The following LIMA1 variants were observed in gnomAD, a reference collection of about 807,000 sequenced individuals.
LIMA1 encodes LIM domain and actin-binding protein 1.
LIMA1 carries 52 observed loss-of-function variants against 62.6 expected under a neutral mutation model. The ratio of observed to expected loss-of-function variants is 0.83; its 90% confidence interval spans 0.67 to 1.05. The LOEUF is 1.05. LIMA1 is among the 50% of genes least tolerant of loss of function. The pLI, the probability that LIMA1 is intolerant of heterozygous loss-of-function variation, is 0.00. For missense variants in LIMA1, 780 were observed against 902.2 expected (o/e 0.86, Z 1.74); for synonymous variants, 302 against 317.8 (o/e 0.95, Z 0.53).
intron 2 of LIMA1, among the ~76,000 whole-genome samples, 157 bp from the exon 3 acceptor site, chr12:50,231,867 G>T (rs966342030): frequency 6.6e-6 from 1 of 151,772 alleles, no homozygotes; most frequent in Non-Finnish European, 1.5e-5. Context: ...TCCCGGGTTC[G>T]AGTGATTCTC....
chr12:50,254,683 C>A (rs761823369), intron 1 of LIMA1, among the ~76,000 whole-genome samples: 5 of 152,124 alleles, frequency 3.3e-5, no homozygotes, highest in African/African-American at 7.2e-5. Context: ...ACGGTGAGGC[C>A]GGTAACTGCT....
At chr12:50,183,831 A>AAAC (rs1565827757) in intron 9 of LIMA1, among the ~76,000 whole-genome samples, 10 of 150,538 alleles carry the variant, frequency 6.6e-5, no homozygotes, top group South Asian at 2.1e-4. Flanking sequence ...AAAAAAAAAA[A>AAAC]AAACCCAAAA....
Position 50,177,823 on chromosome 12 carries a change from A to G in LIMA1, c.1521T>C (p.Ser507=), listed in dbSNP as rs777407756. The G allele has an allele frequency of 6.2e-6, 10 of 1,613,364 alleles. No individual in the cohort carries two copies. The highest frequency in any genetic ancestry group is 8.5e-6 in the Non-Finnish European group (10 of 1,179,748). ...GCTGAGAGGAGGCCTTGGCTTCCAT[A>G]CTTGCAGCCAGGACACCCACCTTAG... ...PIAKVGVLAA[S]MEAKASSQQE... The change falls in exon 11 of 11, where the codon AGT becomes AGC. Residue 507 remains serine (S), a synonymous_variant. Transcript: ENST00000341247.
At chr12:50,213,046 C>A (rs1941285240) in intron 4 of LIMA1, among the ~76,000 whole-genome samples, 1 of 152,126 alleles carries the variant, frequency 6.6e-6, no homozygotes, top group African/African-American at 2.4e-5. Context: ...AACTCCTGAC[C>A]TCAAGTGCTG....
chr12:50,238,678 C>T (rs1158842001), intron 2 of LIMA1, among the ~76,000 whole-genome samples: 4 of 150,118 alleles, frequency 2.7e-5, no homozygotes, highest in South Asian at 2.1e-4. Flanking sequence ...GGTAAAACCC[C>T]GTCTCTACTA....
rs561142971 is a variant in LIMA1, at chr12:50,179,061, C to T, written c.1275-992G>A. 1.3e-3 allele frequency among the ~76,000 whole-genome samples: 195 copies of T among 150,998 alleles called. No homozygotes were observed. The Middle Eastern group carries it at 0.017, about 13-fold the overall frequency. ...CACAATCTTGGCTCACTGCAACCTC[C>T]GCCTCCCAAGTTTAAGCAATTCTCC... On this transcript the variant is annotated intron_variant, in intron 10 of 10. Transcript: ENST00000341247.
intron 9 of LIMA1, 142 bp from the exon 10 acceptor site, chr12:50,182,179 T>C: frequency 2.4e-6 from 2 of 834,014 alleles, no homozygotes; most frequent in Non-Finnish European, 3.7e-6. Context: ...GCTACAATTC[T>C]ATCAGCTGAC....
In LIMA1 at chr12:50,263,861, A is replaced by AG. The variant is rs1565863080; in HGVS notation, c.-23-15088_-23-15087insC. ...ATATATATATATATATAGAGAGTATATATATATATATATATAAAGTATATA... is the reference window on the plus strand; with the variant it reads ...ATATATATATATATATAGAGAGTATAGTATATATATATATATAAAGTATATA... On this transcript the variant is annotated intron_variant, in intron 1 of 10. Transcript: ENST00000341247. Among the ~76,000 whole-genome samples the AG allele has an allele frequency of 9.2e-3, 1,163 of 125,744 alleles. 21 individuals are homozygous for AG. Among genetic ancestry groups the AG allele is most frequent in the African/African-American group, 0.026 (805 of 30,810 alleles). The allele number at this position is 125,744 out of a possible 152,430, so 82.5% of individuals were successfully genotyped here. A position where few individuals can be genotyped will look rare whatever the true frequency, so the allele number is the denominator to read the frequency against.
chr12:50,201,177 T>C, intron 6 of LIMA1: 1 of 1,099,216 alleles, frequency 9.1e-7, no homozygotes, highest in Non-Finnish European at 1.1e-6. Flanking sequence ...CATACAACAT[T>C]CTTGTGATTC....
At chr12:50,258,121 C>T (rs1462391638) in intron 1 of LIMA1, among the ~76,000 whole-genome samples, 1 of 152,098 alleles carries the variant, frequency 6.6e-6, no homozygotes, top group Non-Finnish European at 1.5e-5. Flanking sequence ...TTTACCATGC[C>T]TCAGCCCTGG....
At chr12:50,261,891 TG>T (rs1284210336) in intron 1 of LIMA1, among the ~76,000 whole-genome samples, 1 of 152,132 alleles carries the variant, frequency 6.6e-6, no homozygotes, top group African/African-American at 2.4e-5. Context: ...GCCTGACACA[TG>T]GGGGGCACTC....
At chr12:50,278,078 T>G (rs1942295548) in intron 1 of LIMA1, among the ~76,000 whole-genome samples, 1 of 146,558 alleles carries the variant, frequency 6.8e-6, no homozygotes, top group South Asian at 2.2e-4. Flanking sequence ...GGGCTTGAGG[T>G]CAGCCTGATC....
At chr12:50,236,789 T>C (rs1941703048) in intron 2 of LIMA1, among the ~76,000 whole-genome samples, 1 of 151,710 alleles carries the variant, frequency 6.6e-6, no homozygotes, top group Non-Finnish European at 1.5e-5. Context: ...TAATATGCAG[T>C]TGGGTTGGGT....
At chr12:50,275,725 C>T (rs994255022) in intron 1 of LIMA1, among the ~76,000 whole-genome samples, 6 of 152,014 alleles carry the variant, frequency 3.9e-5, no homozygotes, top group African/African-American at 9.7e-5. Flanking sequence ...GGCACAGAGG[C>T]AGGAAAGAAC....
intron 1 of LIMA1, among the ~76,000 whole-genome samples, chr12:50,281,304 A>G (rs1167062404): frequency 6.6e-6 from 1 of 152,126 alleles, no homozygotes; most frequent in Non-Finnish European, 1.5e-5. Flanking sequence ...ATTTTTCCCC[A>G]CCCACCTATC....
rs1384409084 is a variant in LIMA1, at chr12:50,252,334, C to T, written c.-23-3560G>A. 2.0e-5 allele frequency among the ~76,000 whole-genome samples: 3 copies of T among 152,200 alleles called. No individual in the cohort carries two copies. In the East Asian group the frequency reaches 5.8e-4, roughly 29 times the overall value. The stretch of plus-strand genomic sequence containing the variant: ...GTGGCTCACGCCTATAATCCCAGCA[C>T]TTTGGGAGGCTGAGGCAGGCGGATC... On this transcript the variant is annotated intron_variant, in intron 1 of 10. Coordinates refer to ENST00000341247, the MANE Select transcript of LIMA1 (RefSeq NM_016357.5).
chr12:50,257,281 T>C (rs1436934115), intron 1 of LIMA1, among the ~76,000 whole-genome samples: 2 of 152,226 alleles, frequency 1.3e-5, no homozygotes. Context: ...ACCATTTACA[T>C]AGAGATGAAG....
chr12:50,204,794 A>G, intron 5 of LIMA1, 94 bp from the exon 6 acceptor site: 3 of 1,229,414 alleles, frequency 2.4e-6, no homozygotes, highest in South Asian at 1.4e-5. Flanking sequence ...ATCATAGCTC[A>G]CTACAGCCTC....
rs1371125430 is a variant in LIMA1 at position 50,283,453 on chromosome 12, C to G, written c.-57G>C. The G allele has an allele frequency of 6.6e-6, 1 of 152,394 alleles. No individual in the cohort carries two copies. Among genetic ancestry groups the G allele is most frequent in the East Asian group, 1.9e-4 (1 of 5,184 alleles). The allele number at this position is 152,394 out of a possible 1,614,324, so 9.4% of individuals were successfully genotyped here. A position where few individuals can be genotyped will look rare whatever the true frequency, so the allele number is the denominator to read the frequency against. On this transcript the variant is annotated 5_prime_UTR_variant, in exon 1 of 11. Coordinates refer to ENST00000341247, the MANE Select transcript of LIMA1 (RefSeq NM_016357.5). ...AAGCCGCCTTTCCTCTGCGCTGCTACCAGCCCTGTCACAGGTCCCGGCGCT... is the reference window on the plus strand; with the variant it reads ...AAGCCGCCTTTCCTCTGCGCTGCTAGCAGCCCTGTCACAGGTCCCGGCGCT...
Sources: gnomAD v4.1 joint callset for allele counts (sites outside exome capture counted in the v4.1 genomes callset) on GRCh38, gnomAD v4.1.1 for gene constraint, MANE v1.5 for transcripts, NCBI Gene and HGNC (gene_info 2026-07-23, HGNC 2026-07-21) for gene names.